Variants in TMEM132B observed in about 807,000 individuals in gnomAD.
TMEM132B encodes transmembrane protein 132B.
A neutral mutation model predicts 90.8 loss-of-function variants in TMEM132B; 18 were observed. That is an observed-to-expected ratio of 0.20 (90% confidence interval 0.14 to 0.29). The LOEUF is 0.29. TMEM132B is among the 10% of genes least tolerant of loss of function. The pLI is 1.00. For missense variants in TMEM132B, 1,096 were observed against 1,326.8 expected (o/e 0.83, Z 2.70); for synonymous variants, 504 against 523.3 (o/e 0.96, Z 0.50).
chr12:125,557,409 G>C (rs1884416621), intron 4 of TMEM132B, among the ~76,000 whole-genome samples: 1 of 152,102 alleles, frequency 6.6e-6, no homozygotes, highest in Non-Finnish European at 1.5e-5. Context: ...TGAACAAATG[G>C]GTTCTGATAG....
At chr12:125,347,728 GAA>G (rs904285194) in intron 1 of TMEM132B, among the ~76,000 whole-genome samples, 3 of 151,876 alleles carry the variant, frequency 2.0e-5, no homozygotes, top group Non-Finnish European at 2.9e-5. Flanking sequence ...TAGGGCAAAA[GAA>G]AAAAAAGTCT....
rs534466739 is a variant in TMEM132B at position 125,408,416 on chromosome 12, G to A, written c.960-7115G>A. 6.6e-6 allele frequency among the ~76,000 whole-genome samples: 1 copy of A among 152,222 alleles called. No homozygotes were observed. The highest frequency in any genetic ancestry group is 2.4e-5 in the African/African-American group (1 of 41,542). On this transcript the variant is annotated intron_variant, in intron 2 of 8. Coordinates refer to ENST00000682704, the MANE Select transcript of TMEM132B (RefSeq NM_001366854.1). This position sits in a 1 kb window ranked among gnomAD's most constrained non-coding sequence, Gnocchi z 5.9. ...TGGGATTAATGCCCTTATAAAAGAG[G>A]TTTGAGGGTGCTCTGTCACCCCTTC...
chr12:125,551,107 C>T (rs549186825), intron 4 of TMEM132B, among the ~76,000 whole-genome samples: 1 of 152,392 alleles, frequency 6.6e-6, no homozygotes, highest in Non-Finnish European at 1.5e-5. Flanking sequence ...GCCACTGTGT[C>T]TGGCCCTGGA....
At chr12:125,651,237 T>G (rs1886910174) in intron 7 of TMEM132B, among the ~76,000 whole-genome samples, 1 of 152,224 alleles carries the variant, frequency 6.6e-6, no homozygotes, top group Non-Finnish European at 1.5e-5. Flanking sequence ...ACATGTAGTG[T>G]AAATAATCTT....
intron 2 of TMEM132B, among the ~76,000 whole-genome samples, chr12:125,399,100 C>T (rs763169176): frequency 6.6e-6 from 1 of 152,180 alleles, no homozygotes; most frequent in Non-Finnish European, 1.5e-5. Context: ...TTCAAAGCCA[C>T]CCAAGAAGAT....
chr12:125,557,909 G>C (rs1884430646), intron 4 of TMEM132B, among the ~76,000 whole-genome samples: 2 of 152,120 alleles, frequency 1.3e-5, no homozygotes, highest in Admixed American at 1.3e-4. Context: ...GAGATGGTTA[G>C]AGTTAGAGAA....
chr12:125,411,012 GGAGTGGAGT>G (rs756983838), intron 2 of TMEM132B, among the ~76,000 whole-genome samples: 2 of 944 alleles, frequency 2.1e-3, no homozygotes, highest in African/African-American at 5.4e-3. Flanking sequence ...TGGAGTGAGT[GGAGTGGAGT>G]GAGTGGAGTG....
rs1873271728 is a variant in TMEM132B, at chr12:125,209,626, A to C, written c.67+22760A>C. On this transcript the variant is annotated intron_variant, in intron 1 of 8. Transcript: ENST00000682704. The surrounding 1 kb of genome is among the most constrained non-coding windows in gnomAD (Gnocchi z 4.4). ...TCCTTGTCTCTCCAACCCACCGGCC[A>C]TTGGCCCAGATCACAGGCACCTCTT... Among the ~76,000 whole-genome samples the C allele has an allele frequency of 6.6e-6, 1 of 152,212 alleles. No individual in the cohort carries two copies. Among genetic ancestry groups the C allele is most frequent in the Non-Finnish European group, 1.5e-5 (1 of 68,042 alleles).
intron 5 of TMEM132B, among the ~76,000 whole-genome samples, chr12:125,606,987 C>T (rs11058261): frequency 0.53 from 80,331 of 151,940 alleles, 23,098 homozygotes; most frequent in African/African-American, 0.76. Flanking sequence ...CCAGTCAGCT[C>T]CCTGGAAGTC....
intron 4 of TMEM132B, among the ~76,000 whole-genome samples, chr12:125,573,591 C>CTCT (rs1249730784): frequency 6.6e-6 from 1 of 152,190 alleles, no homozygotes. Context: ...ATTTTAATAG[C>CTCT]TTAAAGCAAC....
intron 4 of TMEM132B, among the ~76,000 whole-genome samples, chr12:125,545,587 T>A (rs1017600810): frequency 6.6e-6 from 1 of 152,216 alleles, no homozygotes; most frequent in Non-Finnish European, 1.5e-5. Flanking sequence ...ATATTGCATC[T>A]CCCTGGCCAC....
At chr12:125,390,920 T>G (rs1147246) in intron 2 of TMEM132B, among the ~76,000 whole-genome samples, 94,952 of 152,004 alleles carry the variant, frequency 0.62, 30,391 homozygotes, top group East Asian at 0.95. Flanking sequence ...GGGTTTGGAG[T>G]GATTTGTCAT....
rs1879972110 is a variant in TMEM132B, at chr12:125,415,104, A to G, written c.960-427A>G. On this transcript the variant is annotated intron_variant, in intron 2 of 8. Coordinates refer to ENST00000682704, the MANE Select transcript of TMEM132B (RefSeq NM_001366854.1). The surrounding 1 kb of genome is among the most constrained non-coding windows in gnomAD (Gnocchi z 5.3). ...GCCCAGTGCAATGGCCTCCTCTTCC[A>G]TCCCCTGGGCTGTGTGATCTTCTGG... Among the ~76,000 whole-genome samples the G allele has an allele frequency of 6.6e-6, 1 of 151,986 alleles. No homozygotes were observed. Among genetic ancestry groups the G allele is most frequent in the African/African-American group, 2.4e-5 (1 of 41,368 alleles).
chr12:125,226,338 T>C (rs571269690), intron 1 of TMEM132B, among the ~76,000 whole-genome samples: 20 of 152,318 alleles, frequency 1.3e-4, no homozygotes, highest in Non-Finnish European at 1.9e-4. Context: ...GCTGATAATA[T>C]TAGTTGACAT....
At chr12:125,601,725 TAAAG>T (rs916005661) in intron 5 of TMEM132B, among the ~76,000 whole-genome samples, 30 of 151,910 alleles carry the variant, frequency 2.0e-4, no homozygotes, top group African/African-American at 6.5e-4. Flanking sequence ...GCTAGACTAA[TAAAG>T]AAGAAAAGAG....
chr12:125,634,568 T>C (rs1010368038), intron 5 of TMEM132B, among the ~76,000 whole-genome samples: 1 of 152,238 alleles, frequency 6.6e-6, no homozygotes, highest in African/African-American at 2.4e-5. Flanking sequence ...GGCTCAGCCA[T>C]GGCCCTTGAT....
intron 5 of TMEM132B, among the ~76,000 whole-genome samples, chr12:125,612,054 T>C (rs1885842089): frequency 6.6e-6 from 1 of 152,182 alleles, no homozygotes. Context: ...CTCAGTTCTG[T>C]CCATTTTTGC....
At chr12:125,463,378 T>C (rs966581918) in intron 3 of TMEM132B, among the ~76,000 whole-genome samples, 2 of 152,246 alleles carry the variant, frequency 1.3e-5, no homozygotes, top group Admixed American at 1.3e-4. Flanking sequence ...TGATGTGCAT[T>C]TCAGAGTAGA....
At chr12:125,595,579 A>C (rs1036369706) in intron 5 of TMEM132B, among the ~76,000 whole-genome samples, 1 of 152,256 alleles carries the variant, frequency 6.6e-6, no homozygotes. Flanking sequence ...GCTATCAAAA[A>C]AAGGCAAAAA....
Sources: gnomAD v4.1 joint callset for allele counts (sites outside exome capture counted in the v4.1 genomes callset) on GRCh38, gnomAD v4.1.1 for gene constraint, Gnocchi (gnomAD v3.1) non-coding constraint, MANE v1.5 for transcripts, NCBI Gene and HGNC (gene_info 2026-07-23, HGNC 2026-07-21) for gene names.